EFNA5: variants seen among roughly 807,000 people sequenced by gnomAD.
EFNA5 encodes the protein ephrin A5.
Under a neutral mutation model 22.9 loss-of-function variants are expected in EFNA5, and 5 were observed. That is an observed-to-expected ratio of 0.22 (90% CI 0.11 to 0.46). The LOEUF (loss-of-function observed/expected upper bound fraction) is 0.46. Ranked by LOEUF, EFNA5 falls within the 20% of genes least tolerant of loss-of-function variation. The probability of loss-of-function intolerance (pLI) is 0.99; values close to 1 mark genes in which losing one functional copy is unlikely to be tolerated. For synonymous variants in EFNA5, 113 were observed against 112.2 expected (o/e 1.01, Z -0.04); for missense variants, 237 against 293.3 (o/e 0.81, Z 1.40).
At chr5:107,588,784 A>G (rs1482148208) in intron 1 of EFNA5, among the ~76,000 whole-genome samples, 1 of 152,240 alleles carries the variant, frequency 6.6e-6, no homozygotes, top group African/African-American at 2.4e-5. Flanking sequence ...GAGAGAGGAA[A>G]AAGACTCATT....
intron 1 of EFNA5, among the ~76,000 whole-genome samples, chr5:107,464,817 A>C (rs943816589): frequency 1.3e-5 from 2 of 152,186 alleles, no homozygotes; most frequent in African/African-American, 2.4e-5. Context: ...TCACGCCAGG[A>C]AAGAGGAGAG....
At chr5:107,414,389 T>C (rs1748451636) in intron 2 of EFNA5, among the ~76,000 whole-genome samples, 1 of 152,184 alleles carries the variant, frequency 6.6e-6, no homozygotes. Context: ...TATTTCTCTT[T>C]TTGCTGTTAT....
chr5:107,482,832 G>GTCTCTCTCTCTCTCTCTC (rs59574940), intron 1 of EFNA5, among the ~76,000 whole-genome samples: 2 of 94,012 alleles, frequency 2.1e-5, no homozygotes, highest in Non-Finnish European at 4.1e-5. Flanking sequence ...CTCTGTCTCT[G>GTCTCTCTCTCTCTCTCTC]TCTCTCTCTC....
chr5:107,630,075 A>G (rs928299494), intron 1 of EFNA5, among the ~76,000 whole-genome samples: 5 of 152,150 alleles, frequency 3.3e-5, no homozygotes, highest in African/African-American at 1.2e-4. Flanking sequence ...AAAAGAAAAA[A>G]AAATTACGAG....
At chr5:107,569,551 A>ATATATATT (rs1239251262) in intron 1 of EFNA5, among the ~76,000 whole-genome samples, 2 of 117,396 alleles carry the variant, frequency 1.7e-5, no homozygotes, top group African/African-American at 5.7e-5. Context: ...ATGTGTGTAT[A>ATATATATT]TATATATTTA....
chr5:107,663,719 T>A (rs1254345641), intron 1 of EFNA5, among the ~76,000 whole-genome samples: 1 of 152,138 alleles, frequency 6.6e-6, no homozygotes, highest in Non-Finnish European at 1.5e-5. Context: ...TACACTTTGC[T>A]GACCCTCCCT....
intron 1 of EFNA5, among the ~76,000 whole-genome samples, chr5:107,627,635 C>CAAAA (rs758660866): frequency 1.4e-5 from 1 of 72,078 alleles, no homozygotes; most frequent in Non-Finnish European, 2.7e-5. Context: ...GACCACATCT[C>CAAAA]AAAAAAAAAA....
intron 1 of EFNA5, among the ~76,000 whole-genome samples, chr5:107,433,900 C>CAAA (rs35303771): frequency 1.5e-5 from 2 of 130,630 alleles, no homozygotes; most frequent in Non-Finnish European, 3.4e-5. Flanking sequence ...GACCCTGTCT[C>CAAA]AAAAAAAAAA....
intron 1 of EFNA5, among the ~76,000 whole-genome samples, chr5:107,553,527 T>C (rs1748344369): frequency 6.6e-6 from 1 of 152,140 alleles, no homozygotes; most frequent in Non-Finnish European, 1.5e-5. Context: ...CCATTTTACA[T>C]CTCCCCGAGG....
In EFNA5 at chr5:107,670,052, A is replaced by G. The variant is rs536751544; in HGVS notation, c.125+437T>C. On this transcript the variant is annotated intron_variant, in intron 1 of 4. Transcript: ENST00000333274. ...AATTAAAAAAAAAAAAAAAAAAAAA[A>G]AAACTTTGGGGGATGTTTGGCGGGT... Among the ~76,000 whole-genome samples, 348 of 124,142 alleles carry G rather than the reference A, an allele frequency of 2.8e-3. 1 individual carries two copies. Among genetic ancestry groups the G allele is most frequent in the African/African-American group, 9.9e-3 (330 of 33,444 alleles). 81.4% of individuals were successfully genotyped at this position (124,142 alleles called of 152,430 possible).
chr5:107,387,633 C>A, intron 3 of EFNA5, 73 bp downstream of exon 3: 1 of 1,085,480 alleles, frequency 9.2e-7, no homozygotes, highest in Non-Finnish European at 1.4e-6. Context: ...AAAGTTTTAC[C>A]GCCGTGAACC....
At chr5:107,611,768 G>T (rs1056272451) in intron 1 of EFNA5, among the ~76,000 whole-genome samples, 1 of 152,122 alleles carries the variant, frequency 6.6e-6, no homozygotes, top group African/African-American at 2.4e-5. Context: ...GCCAGGGCTC[G>T]GATGGGCATT....
intron 1 of EFNA5, among the ~76,000 whole-genome samples, chr5:107,484,362 C>T (rs1746518550): frequency 6.6e-6 from 1 of 152,170 alleles, no homozygotes; most frequent in Admixed American, 6.5e-5. Flanking sequence ...CAGTTTCCAG[C>T]AACGGTAACA....
At chr5:107,494,147 G>A (rs1746895741) in intron 1 of EFNA5, among the ~76,000 whole-genome samples, 1 of 152,214 alleles carries the variant, frequency 6.6e-6, no homozygotes. Flanking sequence ...CACTTTGGCG[G>A]CACTTGAGGA....
At chr5:107,525,028 A>G (rs1477306222) in intron 1 of EFNA5, among the ~76,000 whole-genome samples, 1 of 152,228 alleles carries the variant, frequency 6.6e-6, no homozygotes, top group Non-Finnish European at 1.5e-5. Flanking sequence ...TTAGAGTAAT[A>G]GCAAAGTATA....
chr5:107,507,429 T>C (rs893798467), intron 1 of EFNA5, among the ~76,000 whole-genome samples: 3 of 152,202 alleles, frequency 2.0e-5, no homozygotes, highest in African/African-American at 7.2e-5. Flanking sequence ...ATGTAAACTT[T>C]AAAAGATTAA....
At position 107,640,544 on chromosome 5, in the gene EFNA5, G is replaced by A. The variant is rs189494746; in HGVS notation, c.125+29945C>T. ...TCTTCCTGATTTGGAAGTACAGTTT[G>A]TTTATCTGGTTACTTTAATAAGGCC... On this transcript the variant is annotated intron_variant, in intron 1 of 4. Transcript: ENST00000333274. Among the ~76,000 whole-genome samples the A allele has an allele frequency of 3.9e-5, 6 of 152,304 alleles. No individual in the cohort carries two copies. The East Asian group carries it at 1.2e-3, about 29-fold the overall frequency.
chr5:107,487,158 C>G (rs1580486604), intron 1 of EFNA5, among the ~76,000 whole-genome samples: 1 of 152,274 alleles, frequency 6.6e-6, no homozygotes, highest in East Asian at 1.9e-4. Context: ...CGTCAGCACT[C>G]TGATTGAGCC....
At chr5:107,530,058 T>G (rs1429509418) in intron 1 of EFNA5, among the ~76,000 whole-genome samples, 3 of 152,236 alleles carry the variant, frequency 2.0e-5, no homozygotes, top group African/African-American at 7.2e-5. Context: ...TGCTCTAGCT[T>G]CGTTAAGCTA....
Sources: allele counts gnomAD v4.1 joint callset (sites outside exome capture counted in the v4.1 genomes callset), GRCh38; gene constraint gnomAD v4.1.1; transcripts MANE v1.5; gene names NCBI Gene and HGNC (gene_info 2026-07-23, HGNC 2026-07-21).